PTPN21: variants seen among roughly 807,000 people sequenced by gnomAD.
PTPN21 encodes tyrosine-protein phosphatase non-receptor type 21.
PTPN21 carries 77 observed loss-of-function variants against 131.8 expected under a neutral mutation model. That is an observed-to-expected ratio of 0.58 (90% confidence interval 0.49 to 0.71). The LOEUF is 0.71. Among genes scored for constraint, PTPN21 ranks in the 30% least tolerant of loss-of-function variants. The pLI is 0.00. For synonymous variants in PTPN21, 715 were observed against 621.3 expected, an observed-to-expected ratio of 1.15 and a Z score of -2.24; for missense variants, 1,552 against 1,527.1, an observed-to-expected ratio of 1.02 and a Z score of -0.27.
chr14:88,473,828 T>C (rs373363245), intron 13 of PTPN21, 26 bp from the exon 14 acceptor site: 2 of 1,576,718 alleles, frequency 1.3e-6, no homozygotes, highest in East Asian at 2.3e-5. Context: ...TATGTATATA[T>C]GAAATATACA....
At chr14:88,553,938 G>T (rs1477312464) in intron 1 of PTPN21, among the ~76,000 whole-genome samples, 1 of 152,144 alleles carries the variant, frequency 6.6e-6, no homozygotes, top group Non-Finnish European at 1.5e-5. Flanking sequence ...TTCTCACGGA[G>T]AAAACATCTG....
chr14:88,506,869 C>T (rs2139286300), intron 4 of PTPN21, among the ~76,000 whole-genome samples: 1 of 152,082 alleles, frequency 6.6e-6, no homozygotes, highest in Admixed American at 6.5e-5. Flanking sequence ...TGGTGAAACC[C>T]CATCTTTACT....
chr14:88,512,723 GAA>G (rs2078205025), intron 3 of PTPN21: 1 of 152,184 alleles, frequency 6.6e-6, no homozygotes, highest in African/African-American at 2.4e-5. Context: ...GCTAGTGCAA[GAA>G]AATTTTTAAT....
chr14:88,512,980 C>T (rs1440327375), intron 3 of PTPN21, among the ~76,000 whole-genome samples: 1 of 152,100 alleles, frequency 6.6e-6, no homozygotes, highest in African/African-American at 2.4e-5. Flanking sequence ...TTAGCCAATA[C>T]TGATGATTGT....
chr14:88,479,887 C>G lies in PTPN21; in HGVS notation c.1544G>C (p.Ser515Thr). ...PAAAHCPFSLSYSFHSPSPYP... is the reference protein window; with the variant it reads ...PAAAHCPFSLTYSFHSPSPYP... The stretch of plus-strand genomic sequence containing the variant: ...GGGAGACGGGCTGTGGAAGCTGTAG[C>G]TCAGGCTGAACGGGCAGTGTGCGGC... Residue 515 changes from serine to threonine, a missense_variant, in exon 13 of 19, where the codon AGC becomes ACC. Physicochemically the swap from Ser to Thr is moderately conservative, Grantham distance 58. Around this residue, in one of 4 missense-constraint regions of PTPN21, gnomAD observed 1,016 missense variants for 883.5 expected, o/e 1.15. Transcript: ENST00000556564. 1 of 1,589,290 alleles carries G rather than the reference C, an allele frequency of 6.3e-7. No homozygotes were observed. The highest frequency in any genetic ancestry group is 8.5e-7 in the Non-Finnish European group (1 of 1,172,076).
At chr14:88,539,803 A>C (rs1442472042) in intron 2 of PTPN21, among the ~76,000 whole-genome samples, 1 of 152,198 alleles carries the variant, frequency 6.6e-6, no homozygotes, top group Non-Finnish European at 1.5e-5. Context: ...AATAATAATA[A>C]TACAATTTTA....
Position 88,480,333 on chromosome 14 carries a change from G to A in PTPN21, c.1098C>T (p.Asn366=), listed in dbSNP as rs1317629638. The change falls in exon 13 of 19, where the codon AAC becomes AAT. Residue 366 remains asparagine (N), a synonymous_variant. Coordinates refer to ENST00000556564, the MANE Select transcript of PTPN21 (RefSeq NM_007039.4). ...ASSQDNLFVP[N]QNGYYCHSQT... Reference sequence around the variant, plus strand: ...GAGAGTGACAGTAGTATCCGTTCTGGTTGGGCACAAAGAGGTTATCTAGAA... The same window carrying A: ...GAGAGTGACAGTAGTATCCGTTCTGATTGGGCACAAAGAGGTTATCTAGAA... The A allele has an allele frequency of 6.2e-6, 10 of 1,612,460 alleles. No homozygotes were observed. The highest frequency in any genetic ancestry group is 7.6e-6 in the Non-Finnish European group (9 of 1,178,766).
intron 3 of PTPN21, 47 bp from the exon 4 acceptor site, chr14:88,508,067 TTGAGA>T (rs780144962): frequency 9.5e-7 from 1 of 1,053,160 alleles, no homozygotes; most frequent in East Asian, 2.5e-5. Flanking sequence ...TATTATCTCA[TTGAGA>T]TACAATGCAT....
intron 10 of PTPN21, chr14:88,492,833 C>T (rs1476455215): frequency 1.9e-5 from 5 of 266,278 alleles, no homozygotes; most frequent in East Asian, 1.1e-4. Context: ...TGCCACACTC[C>T]GGCTCCCATT....
At chr14:88,517,051 C>A (rs1019224319) in intron 3 of PTPN21, 41 bp downstream of exon 3, 18 of 1,604,942 alleles carry the variant, frequency 1.1e-5, no homozygotes, top group Middle Eastern at 3.3e-4. Context: ...TTACATCTCA[C>A]TAGACTATTT....
chr14:88,550,361 G>C lies in PTPN21; in HGVS notation c.57C>G (p.Ser19Arg), dbSNP rs757469113. 1.9e-6 allele frequency: 3 copies of C among 1,614,226 alleles called. No homozygotes were observed. The highest frequency in any genetic ancestry group is 1.7e-6 in the Non-Finnish European group (2 of 1,180,030). Residue 19 changes from serine to arginine, a missense_variant, in exon 2 of 19, where the codon AGC (serine) becomes AGG (arginine). By Grantham distance (110) the Ser-to-Arg change is moderately radical. Transcript: ENST00000556564. ...GGATCCGGGCAACCAGGCAACTCTT[G>C]CTGGACACCGTGTAGCGCCGGGTGC... ...LKRTRRYTVSSKSCLVARIQL... is the reference protein window; with the variant it reads ...LKRTRRYTVSRKSCLVARIQL...
chr14:88,553,660 A>G (rs2078892711), intron 1 of PTPN21, among the ~76,000 whole-genome samples: 1 of 151,864 alleles, frequency 6.6e-6, no homozygotes, highest in Non-Finnish European at 1.5e-5. Context: ...AAGTAAACAG[A>G]TACATACTAG....
chr14:88,473,619 C>T (rs368181747), intron 14 of PTPN21, 46 bp downstream of exon 14: 54 of 1,576,370 alleles, frequency 3.4e-5, no homozygotes, highest in South Asian at 2.2e-4. Flanking sequence ...TAGTATTTAC[C>T]GGTTGTTCCA....
chr14:88,506,977 C>T (rs1263460196), intron 4 of PTPN21, among the ~76,000 whole-genome samples: 2 of 151,466 alleles, frequency 1.3e-5, no homozygotes, highest in African/African-American at 4.9e-5. Flanking sequence ...ACCCAGGAGG[C>T]GGAGGAGGTT....
chr14:88,495,120 CGAAGGCACAGAA>C (rs2077891006), intron 10 of PTPN21, among the ~76,000 whole-genome samples: 2 of 150,006 alleles, frequency 1.3e-5, no homozygotes, highest in Non-Finnish European at 3.0e-5. Context: ...CTACAGGCAG[CGAAGGCACAGAA>C]ACAGGAAAGT....
intron 8 of PTPN21, among the ~76,000 whole-genome samples, chr14:88,499,960 C>T (rs1402023804): frequency 2.6e-5 from 4 of 152,252 alleles, no homozygotes; most frequent in South Asian, 2.1e-4. Context: ...ATTAGCACAT[C>T]GCTATATATT....
chr14:88,470,585 A>G (rs2077446370), intron 15 of PTPN21, among the ~76,000 whole-genome samples: 1 of 152,256 alleles, frequency 6.6e-6, no homozygotes, highest in Non-Finnish European at 1.5e-5. Flanking sequence ...TTTGTGGTTA[A>G]GAGACCTGGG....
intron 2 of PTPN21, among the ~76,000 whole-genome samples, chr14:88,533,268 G>C (rs1269232103): frequency 6.6e-6 from 1 of 152,128 alleles, no homozygotes; most frequent in Non-Finnish European, 1.5e-5. Flanking sequence ...TAGTAGCATA[G>C]AAGCTAATTA....
In PTPN21 at chr14:88,466,560, A is replaced by G. The variant is rs374896851; in HGVS notation, c.*1577T>C. ...GACATTTTGGAAGTTCACTGTAAGA[A>G]GAGACCCCAAAAAGAAGGAAAAGGG... On this transcript the variant is annotated 3_prime_UTR_variant, in exon 19 of 19. Coordinates refer to ENST00000556564, the MANE Select transcript of PTPN21 (RefSeq NM_007039.4). The G allele has an allele frequency of 5.9e-5, 9 of 152,344 alleles. No homozygotes were observed. The East Asian group carries it at 1.5e-3, about 26-fold the overall frequency. 9.4% of individuals were successfully genotyped at this position (152,344 alleles called of 1,614,324 possible).
Sources: allele counts gnomAD v4.1 joint callset (sites outside exome capture counted in the v4.1 genomes callset), GRCh38; gene constraint gnomAD v4.1.1; regional missense constraint gnomAD v4.1.1; transcripts MANE v1.5; gene names NCBI Gene and HGNC (gene_info 2026-07-23, HGNC 2026-07-21).